The following PGAP2 variants were observed in gnomAD, a reference collection of about 807,000 sequenced individuals.
PGAP2 encodes the protein acyltransferase PGAP2.
PGAP2 carries 21 observed loss-of-function variants against 33.2 expected under a neutral mutation model. That is an observed-to-expected ratio of 0.63 (90% CI 0.45 to 0.91). The LOEUF (loss-of-function observed/expected upper bound fraction) is 0.91. PGAP2 is among the 40% of genes least tolerant of loss of function. The pLI is 0.00. For synonymous variants in PGAP2, 161 were observed against 172.9 expected (o/e 0.93, Z 0.54); for missense variants, 345 against 424.0 (o/e 0.81, Z 1.64).
At chr11:3,804,115 A>G (rs538136592), upstream of PGAP2, among the ~76,000 whole-genome samples, 187 of 152,226 alleles carry the variant, frequency 1.2e-3, no homozygotes, top group Non-Finnish European at 2.5e-3. Flanking sequence ...TACTAGTTTG[A>G]AAGTTAAATT....
Position 3,825,910 on chromosome 11 carries a change from G to A in PGAP2, c.*452G>A, listed in dbSNP as rs754950516. 9.3e-5 allele frequency: 15 copies of A among 161,670 alleles called. No homozygotes were observed. The highest frequency in any genetic ancestry group is 1.9e-4 in the Non-Finnish European group (14 of 72,938). 10.0% of individuals were successfully genotyped at this position (161,670 alleles called of 1,614,324 possible). ...TCTACTGTGCACATCCAGGCCTGTG[G>A]CCACAGTCCCCTGCTAAAGTTGCTC... On this transcript the variant is annotated 3_prime_UTR_variant, in exon 7 of 7. Transcript: ENST00000278243.
chr11:3,814,931 C>T (rs1019858754), intron 2 of PGAP2, among the ~76,000 whole-genome samples: 5 of 139,594 alleles, frequency 3.6e-5, no homozygotes, highest in African/African-American at 1.1e-4. Flanking sequence ...TTTCCCTTTC[C>T]TTTCCTTTCT....
At chr11:3,798,076 C>T in intron 1 of PGAP2, 1 of 1,502,952 alleles carries the variant, frequency 6.7e-7, no homozygotes, top group Non-Finnish European at 8.8e-7. Context: ...AGACCACGTG[C>T]GGAGCCTGAG....
Position 3,811,535 on chromosome 11 carries a change from T to TA in PGAP2, c.165+112dup. The TA allele has an allele frequency of 9.8e-7, 1 of 1,022,126 alleles. No homozygotes were observed. Among genetic ancestry groups the TA allele is most frequent in the South Asian group, 1.7e-5 (1 of 59,160 alleles). 63.3% of individuals were successfully genotyped at this position (1,022,126 alleles called of 1,614,324 possible). A position where few individuals can be genotyped will look rare whatever the true frequency, so the allele number is the denominator to read the frequency against. On this transcript the variant is annotated intron_variant, in intron 2 of 6. Transcript: ENST00000278243. This position sits in a 1 kb window ranked among gnomAD's most constrained non-coding sequence, Gnocchi z 4.6. ...GCTCTCCACTGGGGCCCATCAAACA[T>TA]ACGGGGCTGCTGGGGGGATGCCTGC...
At chr11:3,808,194 G>C (rs1412277810), upstream of PGAP2, 1 of 1,494,550 alleles carries the variant, frequency 6.7e-7, no homozygotes, top group African/African-American at 1.4e-5. Flanking sequence ...GAAGGGCGAG[G>C]CTGGATAGTT....
chr11:3,808,937 G>T (rs2084993730), intron 1 of PGAP2, among the ~76,000 whole-genome samples: 1 of 152,152 alleles, frequency 6.6e-6, no homozygotes, highest in African/African-American at 2.4e-5. Flanking sequence ...GGGGCCCCGG[G>T]GTTGGAACCC....
At chr11:3,818,066 A>AAT (rs1230232173) in intron 3 of PGAP2, 2 of 304,552 alleles carry the variant, frequency 6.6e-6, no homozygotes, top group South Asian at 2.7e-5. Flanking sequence ...ACAAAATAAA[A>AAT]AAAAAAAAAC....
chr11:3,808,311 G>A (rs1011122431), upstream of PGAP2: 19 of 1,551,446 alleles, frequency 1.2e-5, no homozygotes, highest in Non-Finnish European at 1.7e-5. Flanking sequence ...GAACGCAGCT[G>A]AGAGGTAAGG....
At chr11:3,813,637 G>A (rs969457840) in intron 2 of PGAP2, among the ~76,000 whole-genome samples, 18 of 152,220 alleles carry the variant, frequency 1.2e-4, no homozygotes, top group African/African-American at 2.9e-4. Context: ...CTCCCACCTC[G>A]ACTCCCAAAG....
chr11:3,815,690 G>A lies in PGAP2; in HGVS notation c.166-1663G>A, dbSNP rs143409149. Among the ~76,000 whole-genome samples, 447 of 152,328 alleles carry A rather than the reference G, an allele frequency of 2.9e-3. 3 individuals carry two copies. Among genetic ancestry groups the A allele is most frequent in the Non-Finnish European group, 4.7e-3 (322 of 68,026 alleles). On this transcript the variant is annotated intron_variant, in intron 2 of 6. Coordinates refer to ENST00000278243, the MANE Select transcript of PGAP2 (RefSeq NM_014489.4). ...TATAGAACTCCAGGTGGCCTGGGCA[G>A]TACAGGCAAAAGCAGGACTATTCAT...
At chr11:3,808,852 G>T (rs1423120751) in intron 1 of PGAP2, among the ~76,000 whole-genome samples, 1 of 152,200 alleles carries the variant, frequency 6.6e-6, no homozygotes, top group East Asian at 1.9e-4. Context: ...CCCAGCGTGG[G>T]GCCGGGTGTG....
rs374521929 is a variant in PGAP2 at position 3,825,398 on chromosome 11, G to C, written c.888G>C (p.Trp296Cys). The C allele has an allele frequency of 2.8e-5, 45 of 1,613,880 alleles. No individual in the cohort carries two copies. Among genetic ancestry groups the C allele is most frequent in the Non-Finnish European group, 3.7e-5 (44 of 1,180,018 alleles). The change falls in exon 7 of 7, where the codon TGG becomes TGC. Residue 296 changes from tryptophan (W) to cysteine (C), a missense_variant. This residue lies in a region of PGAP2 where 311 missense variants were observed against 353.6 expected (regional missense o/e 0.88). Coordinates refer to ENST00000278243, the MANE Select transcript of PGAP2 (RefSeq NM_014489.4). ...LTNMAFHMTAWWDFGNKELLI... is the reference protein window; with the variant it reads ...LTNMAFHMTACWDFGNKELLI... ...ACATGGCGTTCCACATGACGGCCTGGTGGGACTTCGGGAACAAGGAGCTGC... is the reference window on the plus strand; with the variant it reads ...ACATGGCGTTCCACATGACGGCCTGCTGGGACTTCGGGAACAAGGAGCTGC...
chr11:3,815,921 G>T (rs1590283566), intron 2 of PGAP2, among the ~76,000 whole-genome samples: 1 of 152,162 alleles, frequency 6.6e-6, no homozygotes, highest in Non-Finnish European at 1.5e-5. Flanking sequence ...AAAACGGCCA[G>T]ACCCCTTTTT....
intron 1 of PGAP2, chr11:3,798,200 C>T (rs554228110): frequency 1.6e-6 from 2 of 1,247,124 alleles, no homozygotes; most frequent in African/African-American, 1.6e-5. Context: ...TTCTTTCCCT[C>T]CCTGAATTTC....
At chr11:3,808,834 T>C (rs1304909280) in intron 1 of PGAP2, among the ~76,000 whole-genome samples, 183 bp downstream of exon 1, 1 of 152,116 alleles carries the variant, frequency 6.6e-6, no homozygotes, top group African/African-American at 2.4e-5. Flanking sequence ...GCCCCCTTCT[T>C]CTCCCTCCCC....
At position 3,824,722 on chromosome 11, in the gene PGAP2, C is replaced by A. The variant is rs955072125; in HGVS notation, c.709-298C>A. The A allele has an allele frequency of 3.4e-6, 4 of 1,181,776 alleles. No homozygotes were observed. The African/African-American group carries it at 4.6e-5, about 14-fold the overall frequency. The allele number at this position is 1,181,776 out of a possible 1,614,324, so 73.2% of individuals were successfully genotyped here. A position where few individuals can be genotyped will look rare whatever the true frequency, so the allele number is the denominator to read the frequency against. On this transcript the variant is annotated intron_variant, in intron 5 of 6. Transcript: ENST00000278243. The stretch of plus-strand genomic sequence containing the variant: ...GCGCCCCACCCATGTACATGGGTTT[C>A]TTTTCCCCCACAGTATTTGGAGGTG...
chr11:3,801,379 A>G (rs938140599), intron 1 of PGAP2, among the ~76,000 whole-genome samples: 4 of 152,152 alleles, frequency 2.6e-5, no homozygotes. Flanking sequence ...ATGGTGGCTC[A>G]AGCCTGTAAT....
chr11:3,814,310 GCA>G (rs543999523), intron 2 of PGAP2, among the ~76,000 whole-genome samples: 2 of 152,122 alleles, frequency 1.3e-5, no homozygotes, highest in Non-Finnish European at 2.9e-5. Context: ...AGGCTGGAGT[GCA>G]GTGTTGTGAT....
In PGAP2 at chr11:3,799,022, C is replaced by T. The variant is rs117802349; in HGVS notation, c.139+1040C>T. On this transcript the variant is annotated intron_variant, in intron 1 of 6. Transcript: ENST00000300730. ...TGATACATTTGCCAAGCTTTCACAGCGAGTTGAGCTAATGCTTGGGCAGGC... is the reference window on the plus strand; with the variant it reads ...TGATACATTTGCCAAGCTTTCACAGTGAGTTGAGCTAATGCTTGGGCAGGC... Among the ~76,000 whole-genome samples, 958 of 152,356 alleles carry T rather than the reference C, an allele frequency of 6.3e-3. 5 individuals carry two copies. The highest frequency in any genetic ancestry group is 0.01 in the Middle Eastern group (3 of 294).
Sources: gnomAD v4.1 joint callset for allele counts (sites outside exome capture counted in the v4.1 genomes callset) on GRCh38, gnomAD v4.1.1 for gene constraint, gnomAD v4.1.1 regional missense constraint, Gnocchi (gnomAD v3.1) non-coding constraint, MANE v1.5 for transcripts, NCBI Gene and HGNC (gene_info 2026-07-23, HGNC 2026-07-21) for gene names.